Variants in THADA observed in about 807,000 individuals in gnomAD.
The protein encoded by THADA is THADA armadillo repeat containing.
THADA carries 213 observed loss-of-function variants against 219.8 expected under a neutral mutation model. That is an observed-to-expected ratio of 0.97 (90% CI 0.87 to 1.09). THADA has a LOEUF of 1.09. Among genes scored for constraint, THADA ranks in the 50% least tolerant of loss-of-function variants. The pLI is 0.00. For missense variants in THADA, 2,956 were observed against 2,311.3 expected, an observed-to-expected ratio of 1.28 and a Z score of -5.72; for synonymous variants, 1,018 against 828.9, an observed-to-expected ratio of 1.23 and a Z score of -3.92.
At chr2:43,468,335 A>G (rs570029956) in intron 26 of THADA, among the ~76,000 whole-genome samples, 55 of 152,338 alleles carry the variant, frequency 3.6e-4, no homozygotes, top group African/African-American at 1.2e-3. Flanking sequence ...ACAAATATTA[A>G]TGAATACAAC....
At chr2:43,480,799 C>T (rs868742021) in intron 26 of THADA, among the ~76,000 whole-genome samples, 11 of 141,266 alleles carry the variant, frequency 7.8e-5, no homozygotes, top group African/African-American at 2.7e-4. Flanking sequence ...GCCCAGGCAA[C>T]AGTGCGAGAC....
chr2:43,287,088 T>C (rs765482234), intron 34 of THADA, 27 bp from the exon 35 acceptor site: 48 of 1,592,604 alleles, frequency 3.0e-5, no homozygotes, highest in Non-Finnish European at 6.9e-6. Flanking sequence ...TACCTATCAG[T>C]AGTTCAGAAG....
chr2:43,470,516 T>C (rs544994113), intron 26 of THADA, among the ~76,000 whole-genome samples: 20 of 152,188 alleles, frequency 1.3e-4, no homozygotes, highest in Admixed American at 3.9e-4. Context: ...CATAACTACA[T>C]GAAAAATGCC....
At chr2:43,391,188 C>T (rs1024417950) in intron 29 of THADA, among the ~76,000 whole-genome samples, 1 of 152,106 alleles carries the variant, frequency 6.6e-6, no homozygotes, top group African/African-American at 2.4e-5. Context: ...CACTCTATCT[C>T]TCACTGAAAA....
At chr2:43,582,875 T>A (rs564719862) in intron 7 of THADA, among the ~76,000 whole-genome samples, 74 of 150,684 alleles carry the variant, frequency 4.9e-4, no homozygotes, top group African/African-American at 1.7e-3. Flanking sequence ...AGCCTCTCCC[T>A]GACTTCTAAA....
At chr2:43,504,750 G>A (rs528343304) in intron 24 of THADA, among the ~76,000 whole-genome samples, 1 of 152,294 alleles carries the variant, frequency 6.6e-6, no homozygotes, top group African/African-American at 2.4e-5. Context: ...CAGGCATGGC[G>A]GCCCATGCCT....
intron 28 of THADA, among the ~76,000 whole-genome samples, chr2:43,410,494 A>T (rs1401194353): frequency 2.0e-5 from 3 of 152,226 alleles, no homozygotes; most frequent in Non-Finnish European, 4.4e-5. Flanking sequence ...ATGTCGTTCA[A>T]CAGCTAAGTA....
At chr2:43,580,389 G>T (rs577294253) in intron 8 of THADA, among the ~76,000 whole-genome samples, 48 of 149,106 alleles carry the variant, frequency 3.2e-4, no homozygotes, top group African/African-American at 1.1e-3. Flanking sequence ...ATTAGTTAGA[G>T]AATCTTTTTT....
chr2:43,234,094 G>A (rs1383775774), intron 36 of THADA, among the ~76,000 whole-genome samples: 1 of 152,168 alleles, frequency 6.6e-6, no homozygotes, highest in African/African-American at 2.4e-5. Context: ...AGGGCCTAGT[G>A]AGTGCCAGGC....
chr2:43,461,032 G>T (rs965380280), intron 26 of THADA, among the ~76,000 whole-genome samples: 7 of 152,226 alleles, frequency 4.6e-5, no homozygotes, highest in African/African-American at 1.7e-4. Flanking sequence ...TATAAGGTTT[G>T]CTGGGGACAA....
intron 31 of THADA, among the ~76,000 whole-genome samples, chr2:43,308,962 AT>A (rs1677193155): frequency 6.6e-6 from 1 of 152,136 alleles, no homozygotes; most frequent in Admixed American, 6.5e-5. Context: ...ACACAAAAAA[AT>A]GGATAAATTT....
At chr2:43,272,267 T>G (rs1161015816) in intron 36 of THADA, among the ~76,000 whole-genome samples, 1 of 152,188 alleles carries the variant, frequency 6.6e-6, no homozygotes, top group East Asian at 1.9e-4. Flanking sequence ...CTTAGGAGTC[T>G]GGGTTTTACC....
In THADA at chr2:43,566,555, T is replaced by C. The variant is rs746430343; in HGVS notation, c.2311+143A>G. On this transcript the variant is annotated intron_variant, in intron 15 of 37. Coordinates refer to ENST00000405975, the MANE Select transcript of THADA (RefSeq NM_022065.5). ...TCTGTCCTTTACTAGCAAATTTCAT[T>C]ATGTACAAGCAAGAATTATAAGGTA... 30 of 933,502 alleles carry C rather than the reference T, an allele frequency of 3.2e-5. No individual in the cohort carries two copies. The Admixed American group carries it at 6.0e-4, about 19-fold the overall frequency. 57.8% of individuals were successfully genotyped at this position (933,502 alleles called of 1,614,324 possible).
intron 21 of THADA, among the ~76,000 whole-genome samples, chr2:43,530,573 G>C (rs554388897): frequency 2.6e-5 from 4 of 152,262 alleles, no homozygotes; most frequent in South Asian, 2.1e-4. Flanking sequence ...AAAACAGAAA[G>C]TCAATGAGAT....
At position 43,501,306 on chromosome 2, in the gene THADA, C is replaced by CAAAAAAAA. The variant is rs1558864377; in HGVS notation, c.3622-2352_3622-2351insTTTTTTTT. Among the ~76,000 whole-genome samples, 39 of 12,266 alleles carry CAAAAAAAA rather than the reference C, an allele frequency of 3.2e-3. 2 individuals are homozygous for CAAAAAAAA. The highest frequency in any genetic ancestry group is 0.01 in the African/African-American group (37 of 3,658). 8.0% of individuals were successfully genotyped at this position (12,266 alleles called of 152,430 possible). On this transcript the variant is annotated intron_variant, in intron 24 of 37. Coordinates refer to ENST00000405975, the MANE Select transcript of THADA (RefSeq NM_022065.5). ...GGGCAACAAAAGCGAAACTCCAACTCCAAAAAAAAAAAAAAAAAAAAAAAA... is the reference window on the plus strand; with the variant it reads ...GGGCAACAAAAGCGAAACTCCAACTCAAAAAAAACAAAAAAAAAAAAAAAAAAAAAAAA...
At chr2:43,366,997 T>C (rs1227313877) in intron 29 of THADA, among the ~76,000 whole-genome samples, 1 of 152,164 alleles carries the variant, frequency 6.6e-6, no homozygotes, top group East Asian at 1.9e-4. Context: ...CAAAGGAATA[T>C]TATTCAGCAT....
chr2:43,328,856 A>G (rs972947797), intron 30 of THADA, among the ~76,000 whole-genome samples: 1 of 152,198 alleles, frequency 6.6e-6, no homozygotes, highest in African/African-American at 2.4e-5. Flanking sequence ...CACAGCTTCA[A>G]TGCCATGCCT....
At chr2:43,313,190 A>C (rs1477495187) in intron 31 of THADA, among the ~76,000 whole-genome samples, 1 of 152,204 alleles carries the variant, frequency 6.6e-6, no homozygotes, top group African/African-American at 2.4e-5. Context: ...AGCATCATCA[A>C]CATCTAAGCT....
intron 29 of THADA, among the ~76,000 whole-genome samples, chr2:43,392,321 T>A (rs1485013556): frequency 6.6e-6 from 1 of 152,202 alleles, no homozygotes; most frequent in South Asian, 2.1e-4. Context: ...TTAACAGAAA[T>A]ATATATACAT....
Sources: gnomAD v4.1 joint callset for allele counts (sites outside exome capture counted in the v4.1 genomes callset) on GRCh38, gnomAD v4.1.1 for gene constraint, MANE v1.5 for transcripts, NCBI Gene and HGNC (gene_info 2026-07-23, HGNC 2026-07-21) for gene names.